Variants in LCORL observed in about 807,000 individuals in gnomAD.
LCORL encodes ligand-dependent nuclear receptor corepressor-like protein.
LCORL carries 41 observed loss-of-function variants against 141.8 expected under a neutral mutation model. That is an observed-to-expected ratio of 0.29 (90% CI 0.23 to 0.38). The LOEUF is 0.38. Ranked by LOEUF, LCORL falls within the 10% of genes least tolerant of loss-of-function variation. The pLI is 1.00. For missense variants in LCORL, 1,759 were observed against 2,035.0 expected, an observed-to-expected ratio of 0.86 and a Z score of 2.61; for synonymous variants, 618 against 694.1, an observed-to-expected ratio of 0.89 and a Z score of 1.72.
chr4:18,010,503 G>T (rs1329028842), intron 1 of LCORL, among the ~76,000 whole-genome samples: 1 of 152,064 alleles, frequency 6.6e-6, no homozygotes, highest in Non-Finnish European at 1.5e-5. Context: ...AGGCTGGAGT[G>T]CAGTGGCATG....
At chr4:17,954,329 G>GT (rs1357876062) in intron 4 of LCORL, among the ~76,000 whole-genome samples, 1 of 152,196 alleles carries the variant, frequency 6.6e-6, no homozygotes, top group Non-Finnish European at 1.5e-5. Flanking sequence ...CTAGACAGAA[G>GT]TAACAGCAAG....
chr4:17,930,842 C>G (rs1365531213), intron 4 of LCORL, among the ~76,000 whole-genome samples: 1 of 152,124 alleles, frequency 6.6e-6, no homozygotes, highest in African/African-American at 2.4e-5. Context: ...AGATTAATAC[C>G]ATACTCAAAA....
At chr4:17,844,790 G>A (rs573339271) in exon 8 of LCORL, 10 of 152,460 alleles carry the variant, frequency 6.6e-5, no homozygotes, top group Non-Finnish European at 1.0e-4. Context: ...AAAAAGAAAG[G>A]AGCCATGTTC....
chr4:17,862,065 C>A (rs943013479), intron 7 of LCORL, among the ~76,000 whole-genome samples: 1 of 152,180 alleles, frequency 6.6e-6, no homozygotes, highest in Admixed American at 6.5e-5. Flanking sequence ...TGCCTGTTAC[C>A]CAGTTCCAAG....
At chr4:18,012,197 C>G (rs1207613168) in intron 1 of LCORL, among the ~76,000 whole-genome samples, 2 of 152,186 alleles carry the variant, frequency 1.3e-5, no homozygotes, top group East Asian at 3.8e-4. Flanking sequence ...CAGTTGGTCC[C>G]TAGTGGGATG....
chr4:17,997,844 A>G (rs16896220), intron 1 of LCORL, among the ~76,000 whole-genome samples: 2,638 of 152,304 alleles, frequency 0.017, 135 homozygotes, highest in East Asian at 0.097. Flanking sequence ...GAGAAGACAA[A>G]TTCAGGATAA....
At chr4:17,986,803 G>C (rs1719052947) in intron 1 of LCORL, among the ~76,000 whole-genome samples, 1 of 151,906 alleles carries the variant, frequency 6.6e-6, no homozygotes, top group Non-Finnish European at 1.5e-5. Flanking sequence ...CAACTGAACT[G>C]TTGGTCTTTT....
intron 4 of LCORL, among the ~76,000 whole-genome samples, chr4:17,932,475 T>G (rs1736205874): frequency 6.6e-6 from 1 of 152,148 alleles, no homozygotes. Flanking sequence ...AAATGATATC[T>G]TTGATTCCTA....
exon 7 of LCORL, chr4:17,877,533 C>T (rs776105894): frequency 1.7e-5 from 21 of 1,230,124 alleles, no homozygotes; most frequent in Non-Finnish European, 2.1e-5. Context: ...ACTCTTATTG[C>T]TGCTGATTTC....
At chr4:18,018,517 A>G (rs148726732) in intron 1 of LCORL, among the ~76,000 whole-genome samples, 1 of 152,324 alleles carries the variant, frequency 6.6e-6, no homozygotes, top group African/African-American at 2.4e-5. Context: ...TAAAGAGATG[A>G]ATGCCACAAT....
At chr4:17,881,814 T>A (rs1560284070) in intron 6 of LCORL, 1 of 983,816 alleles carries the variant, frequency 1.0e-6, no homozygotes, top group Non-Finnish European at 1.2e-6. Flanking sequence ...TAAAATTGTT[T>A]TGAAATATGT....
At chr4:17,944,650 CA>C (rs1738549904) in intron 4 of LCORL, among the ~76,000 whole-genome samples, 1 of 152,066 alleles carries the variant, frequency 6.6e-6, no homozygotes, top group South Asian at 2.1e-4. Context: ...TGCAAACAAC[CA>C]CTTCTCCAAG....
At chr4:17,980,184 T>C (rs940940094) in intron 1 of LCORL, among the ~76,000 whole-genome samples, 17 of 152,206 alleles carry the variant, frequency 1.1e-4, no homozygotes, top group African/African-American at 4.1e-4. Flanking sequence ...ACAACACTAA[T>C]AGGAAACTCA....
At chr4:17,896,152 C>T (rs181640901) in intron 5 of LCORL, among the ~76,000 whole-genome samples, 1 of 152,200 alleles carries the variant, frequency 6.6e-6, no homozygotes, top group African/African-American at 2.4e-5. Flanking sequence ...ATATTCTTAC[C>T]AGCAATGTAT....
chr4:17,991,858 C>T (rs892240382), intron 1 of LCORL, among the ~76,000 whole-genome samples: 3 of 151,236 alleles, frequency 2.0e-5, no homozygotes, highest in African/African-American at 7.3e-5. Flanking sequence ...AAGCCCTAAA[C>T]TTTGCTCAAT....
intron 4 of LCORL, among the ~76,000 whole-genome samples, chr4:17,934,380 T>C (rs897430502): frequency 4.6e-5 from 7 of 152,158 alleles, no homozygotes; most frequent in African/African-American, 1.7e-4. Context: ...AGATCTGTTC[T>C]AGTAATTGAA....
chr4:17,880,838 T>C (rs910913170), intron 6 of LCORL: 60 of 862,302 alleles, frequency 7.0e-5, no homozygotes, highest in Non-Finnish European at 8.1e-5. Context: ...CATTAGAAAA[T>C]ATTGTAATAA....
chr4:18,019,746 G>A (rs973778931), intron 1 of LCORL, among the ~76,000 whole-genome samples: 17 of 151,814 alleles, frequency 1.1e-4, no homozygotes, highest in African/African-American at 3.9e-4. Flanking sequence ...ATCACTTTGT[G>A]CCTTGACAAA....
intron 4 of LCORL, among the ~76,000 whole-genome samples, chr4:17,918,350 A>G (rs1297065316): frequency 6.6e-6 from 1 of 152,182 alleles, no homozygotes; most frequent in Non-Finnish European, 1.5e-5. Context: ...TGGGGGAAAA[A>G]GTCCACAGAA....
Sources: gnomAD v4.1 joint callset for allele counts (sites outside exome capture counted in the v4.1 genomes callset) on GRCh38, gnomAD v4.1.1 for gene constraint, MANE v1.5 for transcripts, NCBI Gene and HGNC (gene_info 2026-07-23, HGNC 2026-07-21) for gene names.